The following GTF2A1L variants were observed in gnomAD, a reference collection of about 807,000 sequenced individuals.
GTF2A1L encodes the protein general transcription factor IIA subunit 1 like, also known as TFIIA-alpha and beta-like factor.
GTF2A1L carries 48 observed loss-of-function variants against 49.7 expected under a neutral mutation model. The ratio of observed to expected loss-of-function variants is 0.97; its 90% confidence interval spans 0.77 to 1.23. The LOEUF is 1.23. Ranked by LOEUF, GTF2A1L falls within the 50% of genes most tolerant of loss-of-function variation. The probability of loss-of-function intolerance (pLI) is 0.00; values close to 1 mark genes in which losing one functional copy is unlikely to be tolerated. For missense variants in GTF2A1L, 736 were observed against 564.8 expected (o/e 1.30, Z -3.07); for synonymous variants, 246 against 193.5 (o/e 1.27, Z -2.25).
rs191921474 is a variant in GTF2A1L at position 48,628,897 on chromosome 2, G to C, written c.247+7607G>C. ...ATCTTTGTAACTGAATGCAAGTTCA[G>C]TCACTCACTGCTTGCAGAGTCCAGT... is the stretch of plus-strand genomic sequence containing the variant. On this transcript the variant is annotated intron_variant, in intron 3 of 8. Coordinates refer to ENST00000403751, the MANE Select transcript of GTF2A1L (RefSeq NM_006872.5). 2.1e-3 allele frequency among the ~76,000 whole-genome samples: 297 copies of C among 144,004 alleles called. 18 individuals are homozygous for C. The highest frequency in any genetic ancestry group is 7.0e-3 in the African/African-American group (286 of 40,600). 94.5% of individuals were successfully genotyped at this position (144,004 alleles called of 152,430 possible).
chr2:48,666,215 T>C (rs552621346), intron 6 of GTF2A1L, among the ~76,000 whole-genome samples: 48 of 151,934 alleles, frequency 3.2e-4, no homozygotes, highest in South Asian at 8.3e-4. Context: ...TTCTTTCTTT[T>C]TTTTTTTTGA....
At chr2:48,678,774 C>A (rs1679605637) in intron 8 of GTF2A1L, among the ~76,000 whole-genome samples, 2 of 151,848 alleles carry the variant, frequency 1.3e-5, no homozygotes, top group South Asian at 2.1e-4. Flanking sequence ...TTTTTCATTT[C>A]TGATAATATT....
At chr2:48,632,654 T>C (rs1401792704) in intron 3 of GTF2A1L, 1 of 160,236 alleles carries the variant, frequency 6.2e-6, no homozygotes, top group Admixed American at 6.5e-5. Context: ...GTGCTGGGAT[T>C]ACAGGCGTGA....
chr2:48,628,387 G>A lies in GTF2A1L; in HGVS notation c.247+7097G>A, dbSNP rs1262313208. Among the ~76,000 whole-genome samples the A allele has an allele frequency of 1.4e-5, 2 of 144,008 alleles. 1 individual carries two copies. Among genetic ancestry groups the A allele is most frequent in the Non-Finnish European group, 3.1e-5 (2 of 63,968 alleles). 94.5% of individuals were successfully genotyped at this position (144,008 alleles called of 152,430 possible). On this transcript the variant is annotated intron_variant, in intron 3 of 8. Transcript: ENST00000403751. ...TTTCTCTGCAGCCTTGCCAGCATTGGTTGCTTTTTGACTTTTTAATAATAG... is the reference window on the plus strand; with the variant it reads ...TTTCTCTGCAGCCTTGCCAGCATTGATTGCTTTTTGACTTTTTAATAATAG...
At chr2:48,621,077 A>G in intron 2 of GTF2A1L, 90 bp from the exon 3 acceptor site, 1 of 1,518,586 alleles carries the variant, frequency 6.6e-7, no homozygotes, top group South Asian at 1.3e-5. Flanking sequence ...CATCAGGATG[A>G]CGTTAGTTTT....
intron 4 of GTF2A1L, among the ~76,000 whole-genome samples, chr2:48,644,790 A>T (rs1341952166): frequency 1.3e-5 from 2 of 152,176 alleles, no homozygotes; most frequent in Admixed American, 6.5e-5. Flanking sequence ...TAATGTTTAT[A>T]CTGTTCATTA....
At chr2:48,633,774 T>G (rs1676721322) in intron 3 of GTF2A1L, among the ~76,000 whole-genome samples, 1 of 152,166 alleles carries the variant, frequency 6.6e-6, no homozygotes, top group African/African-American at 2.4e-5. Context: ...TGTATAAGAG[T>G]TTTGTAGGTC....
chr2:48,660,453 A>G (rs532948193), intron 6 of GTF2A1L, among the ~76,000 whole-genome samples: 76 of 152,174 alleles, frequency 5.0e-4, no homozygotes, highest in African/African-American at 1.7e-3. Flanking sequence ...TCTACTTTCC[A>G]GTTAATATAC....
intron 3 of GTF2A1L, among the ~76,000 whole-genome samples, chr2:48,622,825 C>G (rs1676081160): frequency 7.1e-6 from 1 of 140,826 alleles, no homozygotes; most frequent in Non-Finnish European, 1.5e-5. Context: ...CACAGTGAGA[C>G]TCCATCTTAA....
chr2:48,644,097 G>A (rs905128464), intron 4 of GTF2A1L, among the ~76,000 whole-genome samples: 2 of 152,130 alleles, frequency 1.3e-5, no homozygotes, highest in South Asian at 2.1e-4. Flanking sequence ...CTTGAGCCTC[G>A]TAATTGGAGA....
intron 6 of GTF2A1L, among the ~76,000 whole-genome samples, chr2:48,665,251 A>T: frequency 6.7e-6 from 1 of 150,064 alleles, no homozygotes; most frequent in African/African-American, 2.4e-5. Context: ...ATAATTTCAA[A>T]GAATGGACTT....
chr2:48,662,082 A>T (rs1449951876), intron 6 of GTF2A1L, among the ~76,000 whole-genome samples: 1 of 152,178 alleles, frequency 6.6e-6, no homozygotes, highest in Non-Finnish European at 1.5e-5. Context: ...GGTATTACAT[A>T]TAATATTTTA....
At chr2:48,653,489 A>G (rs1677984607) in intron 6 of GTF2A1L, among the ~76,000 whole-genome samples, 1 of 152,176 alleles carries the variant, frequency 6.6e-6, no homozygotes, top group Non-Finnish European at 1.5e-5. Flanking sequence ...TACCTTTTCC[A>G]GAATATTAGA....
intron 3 of GTF2A1L, among the ~76,000 whole-genome samples, chr2:48,625,500 G>GTC (rs1676245147): frequency 7.0e-6 from 1 of 143,714 alleles, no homozygotes. Flanking sequence ...TATTTTCTCC[G>GTC]TATCTGTTGG....
At chr2:48,622,312 T>C (rs1268935182) in intron 3 of GTF2A1L, among the ~76,000 whole-genome samples, 1 of 152,262 alleles carries the variant, frequency 6.6e-6, no homozygotes, top group African/African-American at 2.4e-5. Flanking sequence ...TAATAAAGTA[T>C]AATTTTGCTC....
chr2:48,666,603 G>GTGTT (rs1405469430), intron 6 of GTF2A1L, among the ~76,000 whole-genome samples: 1 of 151,438 alleles, frequency 6.6e-6, no homozygotes, highest in Non-Finnish European at 1.5e-5. Flanking sequence ...GTGTGTGTGT[G>GTGTT]TGTGTGTGTT....
At chr2:48,645,406 A>T (rs1677438307) in intron 5 of GTF2A1L, among the ~76,000 whole-genome samples, 1 of 152,154 alleles carries the variant, frequency 6.6e-6, no homozygotes, top group African/African-American at 2.4e-5. Context: ...TCTAAATTTT[A>T]ACAAATACAA....
intron 3 of GTF2A1L, among the ~76,000 whole-genome samples, chr2:48,622,833 T>TAA (rs5830995): frequency 4.1e-4 from 52 of 128,358 alleles, no homozygotes; most frequent in East Asian, 6.8e-4. Context: ...GACTCCATCT[T>TAA]AAAAAAAAAA....
chr2:48,655,894 T>C (rs1206776146), intron 6 of GTF2A1L, among the ~76,000 whole-genome samples: 1 of 152,148 alleles, frequency 6.6e-6, no homozygotes, highest in Non-Finnish European at 1.5e-5. Context: ...CTACTTTCCA[T>C]CTCTATGAAT....
Sources: gnomAD v4.1 joint callset for allele counts (sites outside exome capture counted in the v4.1 genomes callset) on GRCh38, gnomAD v4.1.1 for gene constraint, MANE v1.5 for transcripts, NCBI Gene and HGNC (gene_info 2026-07-23, HGNC 2026-07-21) for gene names.